Variants in SAMMSON observed in about 807,000 individuals in gnomAD.
SAMMSON encodes long intergenic non-protein coding RNA 1212.
At chr3:70,300,726 A>C (rs868182033) in intron 7 of SAMMSON, among the ~76,000 whole-genome samples, 8 of 152,098 alleles carry the variant, frequency 5.3e-5, no homozygotes, top group Admixed American at 6.6e-5. Context: ...TCTGTCATAG[A>C]ACAAGTAATG....
At chr3:70,156,791 A>G (rs988741375) in intron 4 of SAMMSON, among the ~76,000 whole-genome samples, 2 of 152,078 alleles carry the variant, frequency 1.3e-5, no homozygotes, top group Admixed American at 1.3e-4. Context: ...TATTCTTACA[A>G]AGCATCCTTC....
chr3:70,067,732 A>G (rs181628635), intron 3 of SAMMSON, among the ~76,000 whole-genome samples: 1 of 152,144 alleles, frequency 6.6e-6, no homozygotes, highest in Non-Finnish European at 1.5e-5. Context: ...TGTACTGGAA[A>G]AGGAGGAGCA....
intron 4 of SAMMSON, among the ~76,000 whole-genome samples, chr3:70,146,566 T>C (rs908138434): frequency 2.0e-5 from 3 of 151,994 alleles, no homozygotes; most frequent in South Asian, 2.1e-4. Flanking sequence ...AAAATCCACA[T>C]GAATATATCA....
At position 70,413,084 on chromosome 3, in the gene SAMMSON, T is replaced by C. The variant is rs567878025; in HGVS notation, n.234-49476T>C. The stretch of plus-strand genomic sequence containing the variant: ...AGTCTTAAAACCTGTATTTCCTTAC[T>C]TAAGGAAACTAGAAATAAAGAAATC... On this transcript the variant is annotated intron_variant and non_coding_transcript_variant, in intron 2 of 3. Transcript: ENST00000641053. Among the ~76,000 whole-genome samples the C allele has an allele frequency of 5.1e-4, 78 of 152,210 alleles. 2 individuals are homozygous for C. In the South Asian group the frequency reaches 0.016, roughly 32 times the overall value.
At chr3:70,316,708 A>G (rs187185016) in intron 7 of SAMMSON, among the ~76,000 whole-genome samples, 11 of 152,264 alleles carry the variant, frequency 7.2e-5, no homozygotes, top group African/African-American at 2.2e-4. Flanking sequence ...AGAAAATTCC[A>G]TATTTGTAAC....
At chr3:70,159,761 G>T (rs1374892309) in intron 4 of SAMMSON, 1 of 151,992 alleles carries the variant, frequency 6.6e-6, no homozygotes, top group Non-Finnish European at 1.5e-5. Context: ...GTTTCACCAT[G>T]TTGGCCAGGA....
intron 3 of SAMMSON, among the ~76,000 whole-genome samples, chr3:70,054,198 G>A (rs1218140203): frequency 3.3e-5 from 5 of 151,984 alleles, no homozygotes; most frequent in Admixed American, 3.3e-4. Context: ...TTAATATCTT[G>A]CCCCAGTGAC....
intron 4 of SAMMSON, among the ~76,000 whole-genome samples, chr3:70,239,978 T>C (rs138802287): frequency 3.9e-5 from 6 of 152,186 alleles, no homozygotes; most frequent in Admixed American, 1.3e-4. Flanking sequence ...AGCTTTGAAA[T>C]TGAAGAAAAT....
intron 3 of SAMMSON, among the ~76,000 whole-genome samples, chr3:70,015,506 A>G (rs571095735): frequency 7.9e-4 from 120 of 152,158 alleles, no homozygotes; most frequent in African/African-American, 2.5e-3. Flanking sequence ...AGTATCTGCA[A>G]TGTTTAGAAA....
intron 7 of SAMMSON, among the ~76,000 whole-genome samples, chr3:70,339,613 G>C (rs1316749339): frequency 1.3e-5 from 2 of 152,142 alleles, no homozygotes; most frequent in East Asian, 1.9e-4. Flanking sequence ...AGATACTTCT[G>C]AAAAGAAGAC....
Position 70,207,167 on chromosome 3 carries a change from T to C in SAMMSON, n.508-41940T>C, listed in dbSNP as rs191253188. Among the ~76,000 whole-genome samples, 849 of 152,112 alleles carry C rather than the reference T, an allele frequency of 5.6e-3. 7 individuals carry two copies. The highest frequency in any genetic ancestry group is 0.02 in the African/African-American group (814 of 41,514). On this transcript the variant is annotated intron_variant and non_coding_transcript_variant, in intron 4 of 9. Transcript: ENST00000642114. ...TCTGAGGAAAAGGATAAGGATCTTA[T>C]GTGGTGGGCAATACTGCTGAGTTAT...
At chr3:70,254,850 T>A (rs940145689) in intron 6 of SAMMSON, among the ~76,000 whole-genome samples, 82 of 152,340 alleles carry the variant, frequency 5.4e-4, no homozygotes, top group African/African-American at 1.9e-3. Flanking sequence ...GCATCCCTTA[T>A]TTCTGTTTAA....
chr3:70,361,808 C>T (rs1702873061), intron 9 of SAMMSON, among the ~76,000 whole-genome samples: 1 of 152,164 alleles, frequency 6.6e-6, no homozygotes, highest in African/African-American at 2.4e-5. Context: ...CAACATCATT[C>T]TTTTAACATT....
At chr3:70,415,084 A>G (rs1466519416) in intron 2 of SAMMSON, among the ~76,000 whole-genome samples, 2 of 152,152 alleles carry the variant, frequency 1.3e-5, no homozygotes, top group Admixed American at 1.3e-4. Flanking sequence ...GGGGGTCCCA[A>G]GGGGGAAAAT....
intron 4 of SAMMSON, among the ~76,000 whole-genome samples, chr3:70,136,931 A>G (rs2067508291): frequency 6.6e-6 from 1 of 152,210 alleles, no homozygotes; most frequent in Non-Finnish European, 1.5e-5. Context: ...CAACATTTCA[A>G]TAAGAGTCTT....
At chr3:70,287,517 C>G (rs1329367093) in intron 6 of SAMMSON, among the ~76,000 whole-genome samples, 7 of 151,806 alleles carry the variant, frequency 4.6e-5, no homozygotes, top group African/African-American at 4.8e-5. Context: ...GTCTAAAATT[C>G]TCTTTTTTGG....
chr3:70,366,736 T>C (rs1381026165), intron 9 of SAMMSON, among the ~76,000 whole-genome samples: 2 of 151,692 alleles, frequency 1.3e-5, no homozygotes, highest in African/African-American at 4.8e-5. Flanking sequence ...TTTTTAGCTT[T>C]GTAGGAAGCT....
chr3:70,319,688 A>C (rs1575624980), intron 7 of SAMMSON, among the ~76,000 whole-genome samples: 2 of 152,206 alleles, frequency 1.3e-5, no homozygotes, highest in African/African-American at 4.8e-5. Context: ...ATTCCATTTA[A>C]GCCATAAATC....
At chr3:70,254,431 A>T (rs1194234899) in intron 6 of SAMMSON, among the ~76,000 whole-genome samples, 1 of 152,188 alleles carries the variant, frequency 6.6e-6, no homozygotes, top group Non-Finnish European at 1.5e-5. Context: ...CTGAAATAAC[A>T]TGATCCATTT....
Sources: gnomAD v4.1 joint callset for allele counts (sites outside exome capture counted in the v4.1 genomes callset) on GRCh38, gnomAD v4.1.1 for gene constraint, MANE v1.5 for transcripts, NCBI Gene and HGNC (gene_info 2026-07-23, HGNC 2026-07-21) for gene names.